The following CDC42SE2 variants were observed in gnomAD, a reference collection of about 807,000 sequenced individuals.
CDC42SE2 encodes the protein CDC42 small effector protein 2.
A neutral mutation model predicts 11.5 loss-of-function variants in CDC42SE2; 3 were observed. The observed-to-expected ratio is 0.26, with a 90% CI of 0.12 to 0.67. The LOEUF (loss-of-function observed/expected upper bound fraction) is 0.67. Ranked by LOEUF, CDC42SE2 falls within the 30% of genes least tolerant of loss-of-function variation. The pLI is 0.80. For missense variants in CDC42SE2, 82 were observed against 106.8 expected, an observed-to-expected ratio of 0.77 and a Z score of 1.02; for synonymous variants, 33 against 34.8, an observed-to-expected ratio of 0.95 and a Z score of 0.18.
At chr5:131,288,372 ATTT>A (rs1428301950) in intron 1 of CDC42SE2, among the ~76,000 whole-genome samples, 1 of 152,156 alleles carries the variant, frequency 6.6e-6, no homozygotes, top group African/African-American at 2.4e-5. Flanking sequence ...CTTAAGTGTA[ATTT>A]TTTTATCTGA....
At chr5:131,302,889 T>G (rs775611788) in intron 1 of CDC42SE2, among the ~76,000 whole-genome samples, 2 of 152,068 alleles carry the variant, frequency 1.3e-5, no homozygotes, top group African/African-American at 2.4e-5. Context: ...TCTTTCCCCT[T>G]TAACGTTTTT....
intron 3 of CDC42SE2, among the ~76,000 whole-genome samples, chr5:131,376,233 T>G (rs1310309271): frequency 6.7e-6 from 1 of 149,582 alleles, no homozygotes; most frequent in African/African-American, 2.5e-5. Context: ...ATGACTCTTG[T>G]CTCAAAAAAA....
chr5:131,280,724 C>T (rs564168388), intron 1 of CDC42SE2, among the ~76,000 whole-genome samples: 2 of 152,094 alleles, frequency 1.3e-5, no homozygotes, highest in South Asian at 2.1e-4. Context: ...AAAATATGAG[C>T]CTGTAGATAA....
rs148431299 is a variant in CDC42SE2, at chr5:131,348,445, G to T, written c.-285-10764G>T. On this transcript the variant is annotated intron_variant, in intron 2 of 4. Transcript: ENST00000505065. The stretch of plus-strand genomic sequence containing the variant: ...AATCCAACTTACAAGGAATGTGAAG[G>T]ACCTCTTCAAGGAGAACTACAAACC... 4.1e-3 allele frequency among the ~76,000 whole-genome samples: 629 copies of T among 152,222 alleles called. 4 individuals carry two copies. Among genetic ancestry groups the T allele is most frequent in the African/African-American group, 0.013 (545 of 41,536 alleles).
the CDC42SE2 span, among the ~76,000 whole-genome samples, chr5:131,218,029 G>A: frequency 2.4e-4 from 37 of 151,958 alleles, no homozygotes; most frequent in Non-Finnish European, 4.7e-4. Flanking sequence ...GCAAAAATTA[G>A]CCAAGGCAGG....
At chr5:131,239,069 C>T in the CDC42SE2 span, among the ~76,000 whole-genome samples, 1 of 151,590 alleles carries the variant, frequency 6.6e-6, no homozygotes, top group Non-Finnish European at 1.5e-5. Flanking sequence ...GGCAGGAGAA[C>T]CGCTTCTACC....
intron 1 of CDC42SE2, among the ~76,000 whole-genome samples, chr5:131,249,713 T>C (rs1453025165): frequency 6.6e-6 from 1 of 152,130 alleles, no homozygotes; most frequent in East Asian, 1.9e-4. Flanking sequence ...ATCAGAAAAA[T>C]GCAAATAAGG....
chr5:131,304,171 A>G (rs917820854), intron 1 of CDC42SE2, among the ~76,000 whole-genome samples: 4 of 151,990 alleles, frequency 2.6e-5, no homozygotes, highest in Non-Finnish European at 5.9e-5. Context: ...TTTTGTAGAA[A>G]TGGGGTCTCT....
the CDC42SE2 span, among the ~76,000 whole-genome samples, chr5:131,234,918 C>G: frequency 1.5e-5 from 2 of 136,816 alleles, no homozygotes; most frequent in Non-Finnish European, 3.0e-5. Context: ...TTGAGACAGT[C>G]TCACTCTGTC....
intron 1 of CDC42SE2, among the ~76,000 whole-genome samples, chr5:131,264,758 C>CT (rs1272967748): frequency 6.6e-6 from 1 of 152,210 alleles, no homozygotes; most frequent in Non-Finnish European, 1.5e-5. Flanking sequence ...GTGCTTGCAG[C>CT]TTTAAGTTGC....
chr5:131,266,288 GATT>G (rs1756860571), intron 1 of CDC42SE2, among the ~76,000 whole-genome samples: 2 of 151,980 alleles, frequency 1.3e-5, no homozygotes, highest in Non-Finnish European at 2.9e-5. Context: ...AGTCTGTCTT[GATT>G]ATTATGAAAT....
chr5:131,302,823 CTTTTT>C (rs201295430), intron 1 of CDC42SE2, among the ~76,000 whole-genome samples: 1 of 140,196 alleles, frequency 7.1e-6, no homozygotes, highest in African/African-American at 2.6e-5. Context: ...CCTCATGACT[CTTTTT>C]TTTTTTTTTA....
chr5:131,275,064 G>T (rs1005269767), intron 1 of CDC42SE2, among the ~76,000 whole-genome samples: 5 of 152,096 alleles, frequency 3.3e-5, no homozygotes, highest in African/African-American at 1.2e-4. Flanking sequence ...CAATTTTTGT[G>T]TATGTAAAGT....
chr5:131,389,380 C>T (rs1002132550), intron 4 of CDC42SE2, among the ~76,000 whole-genome samples: 1 of 152,146 alleles, frequency 6.6e-6, no homozygotes, highest in Non-Finnish European at 1.5e-5. Context: ...ACACTCTTAC[C>T]TGAAGGTAGT....
intron 1 of CDC42SE2, among the ~76,000 whole-genome samples, chr5:131,265,319 TAA>T (rs1194822027): frequency 6.6e-6 from 1 of 152,180 alleles, no homozygotes; most frequent in Non-Finnish European, 1.5e-5. Context: ...ATGGAGAAGA[TAA>T]AGAGGGAGTG....
chr5:131,282,582 TC>T (rs1757258442), intron 1 of CDC42SE2, among the ~76,000 whole-genome samples: 1 of 152,060 alleles, frequency 6.6e-6, no homozygotes, highest in Admixed American at 6.6e-5. Context: ...TTATTTTCCT[TC>T]CTTAATGACA....
intron 2 of CDC42SE2, among the ~76,000 whole-genome samples, chr5:131,331,013 G>A (rs759738758): frequency 6.6e-6 from 1 of 152,012 alleles, no homozygotes; most frequent in Non-Finnish European, 1.5e-5. Context: ...GTAACAGAGC[G>A]AGACCCTCTC....
intron 1 of CDC42SE2, among the ~76,000 whole-genome samples, chr5:131,314,276 G>T (rs186461252): frequency 2.0e-5 from 3 of 150,788 alleles, no homozygotes; most frequent in African/African-American, 4.9e-5. Context: ...CTGTTGCCGG[G>T]GTTGGAGTTC....
At chr5:131,303,389 G>GTCAA (rs1304034282) in intron 1 of CDC42SE2, among the ~76,000 whole-genome samples, 1 of 152,268 alleles carries the variant, frequency 6.6e-6, no homozygotes, top group Admixed American at 6.5e-5. Context: ...ATTTAATAGG[G>GTCAA]TCAAGGCCTG....
Sources: allele counts gnomAD v4.1 joint callset (sites outside exome capture counted in the v4.1 genomes callset), GRCh38; gene constraint gnomAD v4.1.1; transcripts MANE v1.5; gene names NCBI Gene and HGNC (gene_info 2026-07-23, HGNC 2026-07-21).